Variants in SAR1A observed in about 807,000 individuals in gnomAD.
SAR1A encodes small COPII coat GTPase SAR1A.
SAR1A carries 6 observed loss-of-function variants against 22.6 expected under a neutral mutation model. The observed-to-expected ratio is 0.27, with a 90% confidence interval of 0.15 to 0.52. The LOEUF (loss-of-function observed/expected upper bound fraction) is 0.52. Ranked by LOEUF, SAR1A falls within the 20% of genes least tolerant of loss-of-function variation. The pLI is 0.96. For synonymous variants in SAR1A, 70 were observed against 82.2 expected (o/e 0.85, Z 0.80); for missense variants, 145 against 245.1 (o/e 0.59, Z 2.73).
intron 1 of SAR1A, among the ~76,000 whole-genome samples, chr10:70,168,393 G>A (rs1186769460): frequency 3.3e-5 from 5 of 152,080 alleles, no homozygotes; most frequent in African/African-American, 1.2e-4. Flanking sequence ...TCAGGAGTTC[G>A]AGATCAGCCT....
In SAR1A at chr10:70,164,790, CAGCATGGTTTACTA is replaced by C. The variant is rs1476750725; in HGVS notation, c.-16-2873_-16-2860del. On this transcript the variant is annotated intron_variant, in intron 1 of 6. Coordinates refer to ENST00000373241, the MANE Select transcript of SAR1A (RefSeq NM_020150.5). ...ACTCTGCCTACCACACATCTGTTTA[CAGCATGGTTTACTA>C]AGTATTTTAAGCCCACTGTGAAGAC... is the stretch of plus-strand genomic sequence containing the variant. 2.6e-5 allele frequency among the ~76,000 whole-genome samples: 4 copies of C among 152,282 alleles called. No individual in the cohort carries two copies. The East Asian group carries it at 7.7e-4, about 29-fold the overall frequency.
At chr10:70,160,818 AC>A (rs1476584837) in intron 4 of SAR1A, among the ~76,000 whole-genome samples, 185 bp downstream of exon 4, 1 of 152,226 alleles carries the variant, frequency 6.6e-6, no homozygotes, top group Non-Finnish European at 1.5e-5. Context: ...ATTTAATGCA[AC>A]TTTTGACAAG....
At position 70,152,199 on chromosome 10, in the gene SAR1A, C is replaced by T. The variant is rs941379037; in HGVS notation, c.*277G>A. ...TGAGACGTGTTTTTCTTTTCAGGTG[C>T]CCCATGATGGCATACAGCTTTACCC... On this transcript the variant is annotated 3_prime_UTR_variant, in exon 7 of 7. Coordinates refer to ENST00000373241, the MANE Select transcript of SAR1A (RefSeq NM_020150.5). 12 of 488,882 alleles carry T rather than the reference C, an allele frequency of 2.5e-5. No homozygotes were observed. The highest frequency in any genetic ancestry group is 3.9e-5 in the African/African-American group (2 of 50,836). The allele number at this position is 488,882 out of a possible 1,614,324, so 30.3% of individuals were successfully genotyped here.
At chr10:70,152,702 G>A (rs1839339779) in intron 6 of SAR1A, 110 bp from the exon 7 acceptor site, 1 of 784,266 alleles carries the variant, frequency 1.3e-6, no homozygotes, top group Non-Finnish European at 2.2e-6. Flanking sequence ...AACCTAAGTA[G>A]GTATTAATTA....
rs191204328 is a variant in SAR1A at position 70,170,191 on chromosome 10, T to A, written c.-17+222A>T. On this transcript the variant is annotated intron_variant, in intron 1 of 6. Transcript: ENST00000373241. The stretch of plus-strand genomic sequence containing the variant: ...GCAGCTGCGAGACCCCCGAGCGGAA[T>A]GCAAGTGGACCCCAGGCAAAGAGGA... Among the ~76,000 whole-genome samples the A allele has an allele frequency of 3.7e-3, 557 of 151,756 alleles. 9 individuals are homozygous for A. Among genetic ancestry groups the A allele is most frequent in the Admixed American group, 0.033 (507 of 15,232 alleles).
chr10:70,152,708 A>T, intron 6 of SAR1A, 116 bp from the exon 7 acceptor site: 2 of 748,562 alleles, frequency 2.7e-6, no homozygotes, highest in Non-Finnish European at 4.6e-6. Context: ...AGTAGGTATT[A>T]ATTACAGAAA....
At chr10:70,164,894 G>T (rs547603447) in intron 1 of SAR1A, among the ~76,000 whole-genome samples, 1 of 152,324 alleles carries the variant, frequency 6.6e-6, no homozygotes, top group Admixed American at 6.5e-5. Flanking sequence ...GGTCACCCAT[G>T]GGCTTTGATG....
intron 1 of SAR1A, among the ~76,000 whole-genome samples, chr10:70,165,237 C>T (rs1450622196): frequency 7.2e-6 from 1 of 138,906 alleles, no homozygotes; most frequent in East Asian, 2.0e-4. Context: ...TGCACTCCAG[C>T]CTGGGCGACA....
intron 5 of SAR1A, 190 bp downstream of exon 5, chr10:70,157,572 TGA>T (rs1329890394): frequency 7.5e-6 from 4 of 534,074 alleles, no homozygotes; most frequent in Non-Finnish European, 9.9e-6. Context: ...AAGTTTGAGC[TGA>T]GTTTCCTCAG....
At chr10:70,153,508 G>A (rs1427692355) in intron 6 of SAR1A, among the ~76,000 whole-genome samples, 27 of 151,576 alleles carry the variant, frequency 1.8e-4, no homozygotes. Flanking sequence ...GCAAACTCCA[G>A]TCCAAAAAAA....
intron 1 of SAR1A, among the ~76,000 whole-genome samples, chr10:70,163,319 G>A (rs1839501283): frequency 6.6e-6 from 1 of 152,214 alleles, no homozygotes; most frequent in Admixed American, 6.5e-5. Flanking sequence ...ATGAAGGTGG[G>A]TGGCTACACT....
At chr10:70,168,387 G>A (rs539671911) in intron 1 of SAR1A, among the ~76,000 whole-genome samples, 1 of 152,164 alleles carries the variant, frequency 6.6e-6, no homozygotes, top group South Asian at 2.1e-4. Flanking sequence ...CTGAGGTCAG[G>A]AGTTCGAGAT....
intron 1 of SAR1A, among the ~76,000 whole-genome samples, chr10:70,165,072 C>T (rs922208481): frequency 1.3e-5 from 2 of 151,760 alleles, no homozygotes; most frequent in African/African-American, 2.4e-5. Flanking sequence ...GAGACCATCC[C>T]GGCTAAAACG....
At chr10:70,158,757 C>CAAACAAAAAAAA (rs1554827243) in intron 4 of SAR1A, among the ~76,000 whole-genome samples, 10 of 125,810 alleles carry the variant, frequency 7.9e-5, no homozygotes, top group African/African-American at 2.9e-4. Flanking sequence ...TTAAGTTATA[C>CAAACAAAAAAAA]AAAAAAAAAA....
chr10:70,161,392 TAGGAG>T, intron 3 of SAR1A: 2 of 592,184 alleles, frequency 3.4e-6, no homozygotes, highest in Middle Eastern at 4.5e-4. Context: ...GAAGTAGGTA[TAGGAG>T]AGGTGTCCCT....
In SAR1A at chr10:70,161,757, G is replaced by A. The variant is rs1469291566; in HGVS notation, c.59-19C>T. The A allele has an allele frequency of 6.2e-7, 1 of 1,613,720 alleles. No homozygotes were observed. The highest frequency in any genetic ancestry group is 1.1e-5 in the South Asian group (1 of 91,018). ...TACAGTCCTAAAAGAGAAAAAAATT[G>A]TTAACACATTTGCTCTCTACAGACC... On this transcript the variant is annotated intron_variant, in intron 2 of 6. Transcript: ENST00000373241.
intron 6 of SAR1A, 110 bp from the exon 7 acceptor site, chr10:70,152,702 G>C: frequency 2.6e-6 from 2 of 784,266 alleles, no homozygotes; most frequent in Non-Finnish European, 4.4e-6. Flanking sequence ...AACCTAAGTA[G>C]GTATTAATTA....
rs1839555910 is a variant in SAR1A at position 70,166,693 on chromosome 10, A to G, written c.-17+3720T>C. The G allele has an allele frequency of 2.0e-5, 3 of 152,154 alleles. 1 individual carries two copies. Among genetic ancestry groups the G allele is most frequent in the South Asian group, 4.1e-4 (2 of 4,826 alleles). 9.4% of individuals were successfully genotyped at this position (152,154 alleles called of 1,614,324 possible). On this transcript the variant is annotated intron_variant, in intron 1 of 6. Transcript: ENST00000373241. The stretch of plus-strand genomic sequence containing the variant: ...ACAAATAGATTTTCTTAAAATAAGA[A>G]TACTTATTCAGGCCGGGCCCCCGTG...
intron 1 of SAR1A, chr10:70,162,683 G>A (rs998497915): frequency 5.3e-5 from 8 of 152,032 alleles, no homozygotes; most frequent in African/African-American, 1.9e-4. Context: ...AAAATATAAA[G>A]GCATACCTCA....
Sources: allele counts gnomAD v4.1 joint callset (sites outside exome capture counted in the v4.1 genomes callset), GRCh38; gene constraint gnomAD v4.1.1; transcripts MANE v1.5; gene names NCBI Gene and HGNC (gene_info 2026-07-23, HGNC 2026-07-21).